Variants in HTR4 observed in about 807,000 individuals in gnomAD.
HTR4 encodes 5-hydroxytryptamine (serotonin) receptor 4, G protein-coupled.
HTR4 carries 16 observed loss-of-function variants against 36.8 expected under a neutral mutation model. The observed-to-expected ratio is 0.43, with a 90% CI of 0.29 to 0.66. HTR4 has a LOEUF of 0.66. Among genes scored for constraint, HTR4 ranks in the 30% least tolerant of loss-of-function variants. The probability of loss-of-function intolerance (pLI) is 0.13; values close to 1 mark genes in which losing one functional copy is unlikely to be tolerated. For synonymous variants in HTR4, 189 were observed against 185.1 expected (o/e 1.02, Z -0.17); for missense variants, 438 against 490.9 (o/e 0.89, Z 1.02).
intron 2 of HTR4, among the ~76,000 whole-genome samples, chr5:148,583,646 ATCATT>A (rs1761236719): frequency 1.3e-5 from 2 of 151,644 alleles, no homozygotes; most frequent in African/African-American, 4.9e-5. Context: ...CATCATCATC[ATCATT>A]ATTATCATCA....
downstream of HTR4, among the ~76,000 whole-genome samples, chr5:148,474,327 G>A (rs868694244): frequency 6.6e-6 from 1 of 152,018 alleles, no homozygotes; most frequent in Non-Finnish European, 1.5e-5. Context: ...AAAGAATGTG[G>A]GGGTGGTGTG....
intron 2 of HTR4, among the ~76,000 whole-genome samples, chr5:148,597,555 A>G (rs1376268991): frequency 6.6e-6 from 1 of 152,052 alleles, no homozygotes; most frequent in Non-Finnish European, 1.5e-5. Context: ...TGTTCCAGCC[A>G]TATTCACTCC....
chr5:148,606,538 C>T (rs528385555), intron 2 of HTR4, among the ~76,000 whole-genome samples: 3 of 152,208 alleles, frequency 2.0e-5, no homozygotes, highest in African/African-American at 4.8e-5. Flanking sequence ...AAAACTGACT[C>T]CTTAGATGAG....
At chr5:148,470,554 T>C (rs1159716966) in intron 5 of HTR4, among the ~76,000 whole-genome samples, 1 of 152,258 alleles carries the variant, frequency 6.6e-6, no homozygotes, top group African/African-American at 2.4e-5. Flanking sequence ...CTTGTTTTCC[T>C]GTTTGATTGT....
chr5:148,531,904 T>C (rs1426811073), intron 4 of HTR4, among the ~76,000 whole-genome samples: 1 of 152,146 alleles, frequency 6.6e-6, no homozygotes, highest in East Asian at 1.9e-4. Context: ...TGACAATGTC[T>C]GGAGACTTTG....
intron 5 of HTR4, among the ~76,000 whole-genome samples, chr5:148,467,547 C>T (rs1374499298): frequency 6.6e-6 from 1 of 152,098 alleles, no homozygotes; most frequent in Non-Finnish European, 1.5e-5. Flanking sequence ...ACACTTGTTT[C>T]CACCACAACA....
At chr5:148,635,800 T>C (rs918484234) in intron 2 of HTR4, among the ~76,000 whole-genome samples, 1 of 152,126 alleles carries the variant, frequency 6.6e-6, no homozygotes, top group Admixed American at 6.5e-5. Context: ...AGAGGAAAAT[T>C]AAAGACCTGG....
chr5:148,453,265 A>C (rs145236156), intron 5 of HTR4, among the ~76,000 whole-genome samples: 6 of 152,266 alleles, frequency 3.9e-5, no homozygotes, highest in African/African-American at 1.2e-4. Flanking sequence ...CAAAGGTCTA[A>C]ATTTCTGCTC....
intron 4 of HTR4, among the ~76,000 whole-genome samples, chr5:148,538,481 G>A (rs1758941467): frequency 6.6e-6 from 1 of 152,064 alleles, no homozygotes; most frequent in Non-Finnish European, 1.5e-5. Flanking sequence ...AAACCCCATA[G>A]TATTGCCCCA....
intron 4 of HTR4, among the ~76,000 whole-genome samples, chr5:148,536,601 G>A (rs1400092721): frequency 2.0e-5 from 3 of 152,106 alleles, no homozygotes; most frequent in Non-Finnish European, 2.9e-5. Flanking sequence ...CCTAATTTCA[G>A]GCAAAATAGA....
chr5:148,529,198 G>A (rs970787102), intron 4 of HTR4, among the ~76,000 whole-genome samples: 3 of 151,852 alleles, frequency 2.0e-5, no homozygotes, highest in Non-Finnish European at 4.4e-5. Context: ...AAGCCACTTT[G>A]GAAACAATCA....
At chr5:148,476,406 G>A (rs185049724), downstream of HTR4, among the ~76,000 whole-genome samples, 460 of 152,204 alleles carry the variant, frequency 3.0e-3, 1 homozygote, top group Non-Finnish European at 4.3e-3. Flanking sequence ...GTGATATAAC[G>A]GTATTTTAAA....
chr5:148,651,081 TA>T, intron 1 of HTR4, among the ~76,000 whole-genome samples: 1 of 152,316 alleles, frequency 6.6e-6, no homozygotes, highest in South Asian at 2.1e-4. Flanking sequence ...ACCGCATTGC[TA>T]AAATGAGAGT....
chr5:148,626,674 G>A (rs1006706609), intron 2 of HTR4, among the ~76,000 whole-genome samples: 1 of 152,158 alleles, frequency 6.6e-6, no homozygotes, highest in African/African-American at 2.4e-5. Context: ...GCAAATGAGA[G>A]AATAAAATGA....
intron 1 of HTR4, among the ~76,000 whole-genome samples, chr5:148,639,824 G>A (rs989255537): frequency 7.2e-5 from 11 of 152,144 alleles, no homozygotes; most frequent in South Asian, 4.2e-4. Flanking sequence ...TTTTGCAAAT[G>A]AGAAAACTGA....
At chr5:148,481,504 A>C, downstream of HTR4, 1 of 1,429,766 alleles carries the variant, frequency 7.0e-7, no homozygotes, top group Middle Eastern at 1.8e-4. Flanking sequence ...CTTTCTCCCC[A>C]ACAGAATTAA....
At chr5:148,518,093 C>T (rs1219508480) in intron 5 of HTR4, among the ~76,000 whole-genome samples, 1 of 152,108 alleles carries the variant, frequency 6.6e-6, no homozygotes, top group Non-Finnish European at 1.5e-5. Context: ...ACTCCCCAAC[C>T]TCCTTAAAGT....
intron 5 of HTR4, among the ~76,000 whole-genome samples, chr5:148,517,073 C>T (rs1757792653): frequency 6.6e-6 from 1 of 152,154 alleles, no homozygotes; most frequent in Non-Finnish European, 1.5e-5. Context: ...ACTTAATCTT[C>T]ATATTTTGTA....
chr5:148,478,007 T>C (rs1343154033), downstream of HTR4, among the ~76,000 whole-genome samples: 2 of 152,210 alleles, frequency 1.3e-5, no homozygotes, highest in Non-Finnish European at 2.9e-5. Context: ...CACATATCAG[T>C]ATCTAAACTT....
Sources: gnomAD v4.1 joint callset for allele counts (sites outside exome capture counted in the v4.1 genomes callset) on GRCh38, gnomAD v4.1.1 for gene constraint, MANE v1.5 for transcripts, NCBI Gene and HGNC (gene_info 2026-07-23, HGNC 2026-07-21) for gene names.